The following FBXO32 variants were observed in gnomAD, a reference collection of about 807,000 sequenced individuals.
The protein encoded by FBXO32 is F-box only protein 32.
In FBXO32, 15 loss-of-function variants were observed where a neutral mutation model predicts 48.3. That is an observed-to-expected ratio of 0.31 (90% CI 0.21 to 0.48). FBXO32 has a LOEUF of 0.48. Ranked by LOEUF, FBXO32 falls within the 20% of genes least tolerant of loss-of-function variation. The probability of loss-of-function intolerance (pLI) is 0.99; values close to 1 mark genes in which losing one functional copy is unlikely to be tolerated. For missense variants in FBXO32, 309 were observed against 432.7 expected, an observed-to-expected ratio of 0.71 and a Z score of 2.54; for synonymous variants, 154 against 165.9, an observed-to-expected ratio of 0.93 and a Z score of 0.55.
rs1816514312 is a variant in FBXO32 at position 123,502,441 on chromosome 8, G to A, written c.*932C>T. 1 of 152,216 alleles carries A rather than the reference G, an allele frequency of 6.6e-6. No homozygotes were observed. The allele number at this position is 152,216 out of a possible 1,614,324, so 9.4% of individuals were successfully genotyped here. On this transcript the variant is annotated 3_prime_UTR_variant, in exon 9 of 9. Coordinates refer to ENST00000517956, the MANE Select transcript of FBXO32 (RefSeq NM_058229.4). ...CAGGACTTCCTCTGGGACGGCTTTTGTTTTGTTTTGTTTTGTTTTGGAGAC... is the reference window on the plus strand; with the variant it reads ...CAGGACTTCCTCTGGGACGGCTTTTATTTTGTTTTGTTTTGTTTTGGAGAC...
At chr8:123,537,980 C>G (rs1306701622) in intron 1 of FBXO32, among the ~76,000 whole-genome samples, 6 of 151,768 alleles carry the variant, frequency 4.0e-5, no homozygotes, top group Admixed American at 3.9e-4. Context: ...ACCACCACTT[C>G]CTTGAAGCAT....
chr8:123,523,040 G>A (rs1415984202), intron 4 of FBXO32, among the ~76,000 whole-genome samples: 1 of 152,210 alleles, frequency 6.6e-6, no homozygotes, highest in African/African-American at 2.4e-5. Flanking sequence ...TTTGCCGCAT[G>A]TGGAGACCTA....
Position 123,524,141 on chromosome 8 carries a change from C to A in FBXO32, c.372+7757G>T, listed in dbSNP as rs1391785267. On this transcript the variant is annotated intron_variant, in intron 4 of 8. Transcript: ENST00000517956. ...CCCATTTCCATGGGAACCCTAATTTCTGTGGGTACCCTCCTACTTCTTCAA... is the reference window on the plus strand; with the variant it reads ...CCCATTTCCATGGGAACCCTAATTTATGTGGGTACCCTCCTACTTCTTCAA... Among the ~76,000 whole-genome samples the A allele has an allele frequency of 3.9e-5, 6 of 152,174 alleles. No homozygotes were observed. In the East Asian group the frequency reaches 1.2e-3, roughly 29 times the overall value.
Position 123,501,189 on chromosome 8 carries a change from A to G in FBXO32, c.*2184T>C, listed in dbSNP as rs1816475816. The G allele has an allele frequency of 6.6e-6, 1 of 152,180 alleles. No homozygotes were observed. Among genetic ancestry groups the G allele is most frequent in the African/African-American group, 2.4e-5 (1 of 41,442 alleles). The allele number at this position is 152,180 out of a possible 1,614,324, so 9.4% of individuals were successfully genotyped here. A position where few individuals can be genotyped will look rare whatever the true frequency, so the allele number is the denominator to read the frequency against. On this transcript the variant is annotated 3_prime_UTR_variant, in exon 9 of 9. Transcript: ENST00000517956. The stretch of plus-strand genomic sequence containing the variant: ...AACCCCTAAATCTAAAAATGTCACT[A>G]AGAGTCAAAAGTTCCAGAGCTCTCT...
chr8:123,538,653 C>T (rs1283500557), intron 1 of FBXO32, among the ~76,000 whole-genome samples: 1 of 152,106 alleles, frequency 6.6e-6, no homozygotes, highest in Non-Finnish European at 1.5e-5. Context: ...AAAAAAAATA[C>T]CCTGCAAACA....
intron 2 of FBXO32, among the ~76,000 whole-genome samples, chr8:123,534,407 C>T (rs777318307): frequency 2.6e-5 from 4 of 152,158 alleles, no homozygotes; most frequent in East Asian, 1.9e-4. Context: ...GGAACTGATT[C>T]AGCTGACCAC....
At chr8:123,510,601 C>T (rs942005844) in intron 6 of FBXO32, among the ~76,000 whole-genome samples, 2 of 151,960 alleles carry the variant, frequency 1.3e-5, no homozygotes, top group Admixed American at 6.6e-5. Context: ...TGACAGAGAC[C>T]CTGTTTCAAA....
rs1816471787 is a variant in FBXO32 at position 123,501,030 on chromosome 8, A to G, written c.*2343T>C. 1 of 152,226 alleles carries G rather than the reference A, an allele frequency of 6.6e-6. No homozygotes were observed. Among genetic ancestry groups the G allele is most frequent in the South Asian group, 2.1e-4 (1 of 4,830 alleles). The allele number at this position is 152,226 out of a possible 1,614,324, so 9.4% of individuals were successfully genotyped here. ...ACAGTCTAAATGACACCAGTGTCCC[A>G]GTTTTGTGCTGACAGTCCACAGCAG... On this transcript the variant is annotated 3_prime_UTR_variant, in exon 9 of 9. Coordinates refer to ENST00000517956, the MANE Select transcript of FBXO32 (RefSeq NM_058229.4).
chr8:123,502,072 G>C lies in FBXO32; in HGVS notation c.*1301C>G, dbSNP rs1402484625. 2 of 152,132 alleles carry C rather than the reference G, an allele frequency of 1.3e-5. No individual in the cohort carries two copies. The highest frequency in any genetic ancestry group is 4.8e-5 in the African/African-American group (2 of 41,432). The allele number at this position is 152,132 out of a possible 1,614,324, so 9.4% of individuals were successfully genotyped here. On this transcript the variant is annotated 3_prime_UTR_variant, in exon 9 of 9. Transcript: ENST00000517956. ...TTTTAACTACCCAGCCCGGAAGCAA[G>C]TTTAAGATGAACTTGTGGTACCTCT...
chr8:123,521,830 C>T (rs1407963559), intron 4 of FBXO32, among the ~76,000 whole-genome samples: 1 of 152,054 alleles, frequency 6.6e-6, no homozygotes, highest in Non-Finnish European at 1.5e-5. Context: ...TGCTCAATAC[C>T]CAAGTTGGGT....
chr8:123,540,885 G>C lies in FBXO32; in HGVS notation c.116+14C>G, dbSNP rs1817397129. ...GTTTCGCGGGGGCTGGAAGTTGGTA[G>C]CGGGTCCCCTCACCTGCTGAGGTCG... On this transcript the variant is annotated intron_variant, in intron 1 of 8. Coordinates refer to ENST00000517956, the MANE Select transcript of FBXO32 (RefSeq NM_058229.4). The surrounding 1 kb of genome is among the most constrained non-coding windows in gnomAD (Gnocchi z 6.4). 1.9e-6 allele frequency: 3 copies of C among 1,606,720 alleles called. No individual in the cohort carries two copies. In the South Asian group the frequency reaches 3.3e-5, roughly 18 times the overall value.
Position 123,534,699 on chromosome 8 carries a change from T to C in FBXO32, c.229+3A>G. 6 of 1,599,572 alleles carry C rather than the reference T, an allele frequency of 3.8e-6. No individual in the cohort carries two copies. Among genetic ancestry groups the C allele is most frequent in the Non-Finnish European group, 5.1e-6 (6 of 1,167,070 alleles). On this transcript the variant is annotated splice_donor_region_variant and intron_variant, in intron 2 of 8. Transcript: ENST00000517956. Reference sequence around the variant, plus strand: ...TTTCTGAAGTTCAAAACAAATGGCTTACACTGAGTTTTGGTTTTGCTATTC... The same window carrying C: ...TTTCTGAAGTTCAAAACAAATGGCTCACACTGAGTTTTGGTTTTGCTATTC...
Position 123,503,479 on chromosome 8 carries a change from G to A in FBXO32, c.979-17C>T. The A allele has an allele frequency of 6.2e-7, 1 of 1,609,610 alleles. No homozygotes were observed. Among genetic ancestry groups the A allele is most frequent in the Non-Finnish European group, 8.5e-7 (1 of 1,176,500 alleles). On this transcript the variant is annotated splice_polypyrimidine_tract_variant and intron_variant, in intron 8 of 8. Transcript: ENST00000517956. ...GTCAGTGCCCTGGAAAGGAACACAT[G>A]GTTAGCTTCAAGTTCTCAGAGGCCT...
intron 8 of FBXO32, among the ~76,000 whole-genome samples, chr8:123,503,997 T>C (rs1277693126): frequency 1.3e-5 from 2 of 151,930 alleles, no homozygotes; most frequent in East Asian, 3.9e-4. Flanking sequence ...GGAGAATTGC[T>C]TGAACCTGGG....
intron 4 of FBXO32, among the ~76,000 whole-genome samples, chr8:123,520,881 A>G (rs1816938399): frequency 6.6e-6 from 1 of 152,100 alleles, no homozygotes; most frequent in Non-Finnish European, 1.5e-5. Context: ...TTTTGCACAA[A>G]TTCACTCTGC....
chr8:123,533,562 C>CT (rs2130557443), intron 2 of FBXO32, among the ~76,000 whole-genome samples: 1 of 152,246 alleles, frequency 6.6e-6, no homozygotes, highest in Non-Finnish European at 1.5e-5. Flanking sequence ...AATCCCAGCA[C>CT]TGTGGGAGGT....
rs1284168298 is a variant in FBXO32, at chr8:123,500,959, T to G, written c.*2414A>C. ...TGGGGCAGAGGTCATCTTGCACAGA[T>G]GCACATGGTTGCCTGGAGTCTATCG... On this transcript the variant is annotated 3_prime_UTR_variant, in exon 9 of 9. Coordinates refer to ENST00000517956, the MANE Select transcript of FBXO32 (RefSeq NM_058229.4). 1 of 152,232 alleles carries G rather than the reference T, an allele frequency of 6.6e-6. No individual in the cohort carries two copies. Among genetic ancestry groups the G allele is most frequent in the African/African-American group, 2.4e-5 (1 of 41,450 alleles). The allele number at this position is 152,232 out of a possible 1,614,324, so 9.4% of individuals were successfully genotyped here. A position where few individuals can be genotyped will look rare whatever the true frequency, so the allele number is the denominator to read the frequency against.
At chr8:123,504,297 T>C (rs1225011710) in intron 8 of FBXO32, among the ~76,000 whole-genome samples, 2 of 152,120 alleles carry the variant, frequency 1.3e-5, no homozygotes, top group Non-Finnish European at 2.9e-5. Flanking sequence ...TTTATAAGTC[T>C]GGAAAAACTA....
chr8:123,530,310 T>A (rs548800218), intron 4 of FBXO32, among the ~76,000 whole-genome samples: 3 of 152,240 alleles, frequency 2.0e-5, no homozygotes, highest in Non-Finnish European at 4.4e-5. Context: ...GGGCCTTGAA[T>A]GTCATCACCC....
Sources: gnomAD v4.1 joint callset for allele counts (sites outside exome capture counted in the v4.1 genomes callset) on GRCh38, gnomAD v4.1.1 for gene constraint, Gnocchi (gnomAD v3.1) non-coding constraint, MANE v1.5 for transcripts, NCBI Gene and HGNC (gene_info 2026-07-23, HGNC 2026-07-21) for gene names.